The following PTCHD4 variants were observed in gnomAD, a reference collection of about 807,000 sequenced individuals.
The protein encoded by PTCHD4 is patched domain-containing protein 4.
In PTCHD4, 33 loss-of-function variants were observed where a neutral mutation model predicts 58.1. The ratio of observed to expected loss-of-function variants is 0.57; its 90% confidence interval spans 0.43 to 0.76. The LOEUF is 0.76. Ranked by LOEUF, PTCHD4 falls within the 30% of genes least tolerant of loss-of-function variation. The pLI, the probability that PTCHD4 is intolerant of heterozygous loss-of-function variation, is 0.00. For synonymous variants in PTCHD4, 478 were observed against 409.6 expected (o/e 1.17, Z -2.02); for missense variants, 1,058 against 1,027.1 (o/e 1.03, Z -0.41).
chr6:47,866,283 C>CA lies in PTCHD4; in HGVS notation c.*12019dup, dbSNP rs1367938564. On this transcript the variant is annotated 3_prime_UTR_variant, in exon 5 of 5. Transcript: ENST00000339488. ...CCACTGTTTTTCAAATTGAGCCACA[C>CA]ATTGAAATCACTATGGGAACTCCCA... is the stretch of plus-strand genomic sequence containing the variant. 6.6e-6 allele frequency among the ~76,000 whole-genome samples: 1 copy of CA among 151,876 alleles called. No individual in the cohort carries two copies. The highest frequency in any genetic ancestry group is 1.5e-5 in the Non-Finnish European group (1 of 67,870).
At chr6:47,958,562 C>T (rs1457591055) in intron 4 of PTCHD4, among the ~76,000 whole-genome samples, 1 of 152,100 alleles carries the variant, frequency 6.6e-6, no homozygotes, top group Non-Finnish European at 1.5e-5. Flanking sequence ...TGGTGTACTC[C>T]CTGAGTTGAG....
At chr6:47,998,935 C>T (rs1768606946) in intron 4 of PTCHD4, among the ~76,000 whole-genome samples, 1 of 152,128 alleles carries the variant, frequency 6.6e-6, no homozygotes, top group South Asian at 2.1e-4. Context: ...TAAAAACAAC[C>T]AAAAGTTAAG....
chr6:47,890,217 A>G (rs1764334494), intron 4 of PTCHD4, among the ~76,000 whole-genome samples: 2 of 151,426 alleles, frequency 1.3e-5, no homozygotes, highest in African/African-American at 2.4e-5. Flanking sequence ...TTTTATATAT[A>G]TTATATATAT....
At chr6:47,947,350 TG>T (rs1766463446) in intron 4 of PTCHD4, among the ~76,000 whole-genome samples, 1 of 152,144 alleles carries the variant, frequency 6.6e-6, no homozygotes, top group South Asian at 2.1e-4. Context: ...ATATAATCAG[TG>T]ATTATTTAAT....
At chr6:48,105,242 G>A (rs1441844265) in intron 1 of PTCHD4, among the ~76,000 whole-genome samples, 5 of 151,598 alleles carry the variant, frequency 3.3e-5, no homozygotes, top group Admixed American at 6.6e-5. Flanking sequence ...CAGAAATTAT[G>A]ACAAACTGTC....
chr6:47,877,261 A>G lies in PTCHD4; in HGVS notation c.*1042T>C, dbSNP rs1386912990. On this transcript the variant is annotated 3_prime_UTR_variant, in exon 5 of 5. Coordinates refer to ENST00000339488, the MANE Select transcript of PTCHD4 (RefSeq NM_001384253.1). ...GACAGTTATTTTCCCTATCTAAAAT[A>G]AGAACGGTGTAACTATGGAGTACCC... is the stretch of plus-strand genomic sequence containing the variant. 6.6e-6 allele frequency among the ~76,000 whole-genome samples: 1 copy of G among 152,046 alleles called. No homozygotes were observed. The highest frequency in any genetic ancestry group is 1.5e-5 in the Non-Finnish European group (1 of 67,980).
intron 4 of PTCHD4, among the ~76,000 whole-genome samples, chr6:47,882,670 C>T (rs1245085105): frequency 4.9e-5 from 7 of 142,990 alleles, no homozygotes; most frequent in African/African-American, 1.8e-4. Context: ...TATTAAAATT[C>T]TATTCATTGG....
chr6:48,080,829 CTTTG>C (rs1010729950), intron 1 of PTCHD4, among the ~76,000 whole-genome samples: 7 of 152,266 alleles, frequency 4.6e-5, no homozygotes, highest in Admixed American at 3.3e-4. Context: ...CCAAGTACCT[CTTTG>C]TTTGGCCCTC....
intron 4 of PTCHD4, among the ~76,000 whole-genome samples, chr6:47,893,151 C>G (rs530165235): frequency 6.6e-6 from 1 of 152,286 alleles, no homozygotes; most frequent in East Asian, 1.9e-4. Flanking sequence ...GCTGGGACTA[C>G]AGGCGTGTGC....
intron 1 of PTCHD4, among the ~76,000 whole-genome samples, chr6:48,078,011 A>T (rs765404359): frequency 2.5e-4 from 38 of 152,320 alleles, no homozygotes; most frequent in Non-Finnish European, 4.0e-4. Context: ...CGTTCAATGC[A>T]GGGTTCCTAC....
At chr6:48,034,862 A>G (rs1763573706) in intron 3 of PTCHD4, among the ~76,000 whole-genome samples, 1 of 152,148 alleles carries the variant, frequency 6.6e-6, no homozygotes, top group Non-Finnish European at 1.5e-5. Context: ...TAATAATAAC[A>G]TGCTGGATAC....
chr6:48,108,656 C>A (rs562731219), intron 1 of PTCHD4, among the ~76,000 whole-genome samples: 7 of 151,462 alleles, frequency 4.6e-5, no homozygotes, highest in African/African-American at 1.7e-4. Context: ...ACTATCTTTC[C>A]CTCCAAGTTG....
At chr6:47,908,444 C>T (rs1764970163) in intron 4 of PTCHD4, among the ~76,000 whole-genome samples, 1 of 152,146 alleles carries the variant, frequency 6.6e-6, no homozygotes, top group African/African-American at 2.4e-5. Context: ...ACTAATGCCT[C>T]CAGGACAGAG....
intron 4 of PTCHD4, among the ~76,000 whole-genome samples, chr6:47,904,700 C>T (rs931640221): frequency 4.6e-5 from 7 of 152,078 alleles, no homozygotes; most frequent in African/African-American, 1.4e-4. Flanking sequence ...TATGATTAGT[C>T]TTTTAATAAC....
At chr6:48,109,598 A>T (rs1765819642) in intron 1 of PTCHD4, among the ~76,000 whole-genome samples, 1 of 152,150 alleles carries the variant, frequency 6.6e-6, no homozygotes, top group Non-Finnish European at 1.5e-5. Flanking sequence ...AAAGGAAACA[A>T]TCAATGAAAT....
chr6:47,939,516 T>C (rs1766129950), intron 4 of PTCHD4, among the ~76,000 whole-genome samples: 1 of 152,038 alleles, frequency 6.6e-6, no homozygotes, highest in African/African-American at 2.4e-5. Flanking sequence ...GTTGTGGAAA[T>C]CATAATGTGA....
chr6:47,967,504 T>C (rs996325270), intron 4 of PTCHD4, among the ~76,000 whole-genome samples: 2 of 152,218 alleles, frequency 1.3e-5, no homozygotes, highest in Non-Finnish European at 2.9e-5. Context: ...GCCCATCCTT[T>C]GAAGCTTTAA....
chr6:47,947,012 T>A (rs1234699200), intron 4 of PTCHD4, among the ~76,000 whole-genome samples: 1 of 152,070 alleles, frequency 6.6e-6, no homozygotes, highest in African/African-American at 2.4e-5. Context: ...AATTTTTTTA[T>A]TTTGTAGAGA....
intron 4 of PTCHD4, among the ~76,000 whole-genome samples, chr6:47,971,134 A>C (rs901376795): frequency 7.2e-5 from 11 of 152,170 alleles, no homozygotes; most frequent in African/African-American, 2.4e-4. Flanking sequence ...AAGTCGGAAC[A>C]CTGAAACCCA....
Sources: allele counts gnomAD v4.1 joint callset (sites outside exome capture counted in the v4.1 genomes callset), GRCh38; gene constraint gnomAD v4.1.1; transcripts MANE v1.5; gene names NCBI Gene and HGNC (gene_info 2026-07-23, HGNC 2026-07-21).